The following RASSF1 variants were observed in gnomAD, a reference collection of about 807,000 sequenced individuals.
The protein encoded by RASSF1 is ras association domain-containing protein 1.
Under a neutral mutation model 34.3 loss-of-function variants are expected in RASSF1, and 33 were observed. The ratio of observed to expected loss-of-function variants is 0.96; its 90% confidence interval spans 0.73 to 1.29. The LOEUF (loss-of-function observed/expected upper bound fraction) is 1.29, where lower values mean the gene tolerates loss of function less well. RASSF1 is among the 50% of genes most tolerant of loss of function. The probability of loss-of-function intolerance (pLI) is 0.00; values close to 1 mark genes in which losing one functional copy is unlikely to be tolerated. For missense variants in RASSF1, 445 were observed against 471.8 expected, an observed-to-expected ratio of 0.94 and a Z score of 0.53; for synonymous variants, 191 against 195.0, an observed-to-expected ratio of 0.98 and a Z score of 0.17.
intron 2 of RASSF1, chr3:50,337,137 T>C (rs57838764): frequency 0.15 from 237,210 of 1,565,926 alleles, 27,089 homozygotes; most frequent in East Asian, 0.62. Context: ...CAGCGACCGC[T>C]TCCCCTCCCG....
chr3:50,340,262 T>C (rs1014328717), intron 1 of RASSF1, among the ~76,000 whole-genome samples: 4 of 152,162 alleles, frequency 2.6e-5, no homozygotes, highest in African/African-American at 4.8e-5. Context: ...CCGAGGACAG[T>C]AGGCACAAAC....
rs761354693 is a variant in RASSF1, at chr3:50,331,720, C to G, written c.599G>C (p.Arg200Pro). ...CTTGGGCAGGTAAAAGGAAGTGCGG[C>G]GCCTGACACTTGTGCCCCGTCCTGG... ...RGPGRGTSVR[R>P]RTSFYLPKDA... Residue 200 changes from arginine to proline, a missense_variant, in exon 4 of 6, where the codon CGC (arginine) becomes CCC (proline). Transcript: ENST00000359365. The G allele has an allele frequency of 6.2e-7, 1 of 1,613,106 alleles. No homozygotes were observed. The highest frequency in any genetic ancestry group is 8.5e-7 in the Non-Finnish European group (1 of 1,179,428).
chr3:50,335,218 G>T (rs1170611504), intron 2 of RASSF1, among the ~76,000 whole-genome samples: 1 of 151,792 alleles, frequency 6.6e-6, no homozygotes, highest in Non-Finnish European at 1.5e-5. Flanking sequence ...AAAGTGCTGG[G>T]ATTAAAGGTG....
intron 2 of RASSF1, chr3:50,337,344 C>T (rs1259094495): frequency 1.0e-5 from 16 of 1,606,832 alleles, no homozygotes; most frequent in Non-Finnish European, 1.3e-5. Context: ...GTCCCCCAGT[C>T]CTGCGCGTCC....
intron 1 of RASSF1, chr3:50,338,354 A>T (rs1703240794): frequency 5.3e-6 from 2 of 376,882 alleles, no homozygotes; most frequent in Admixed American, 5.6e-5. Flanking sequence ...ATTTCGGCTC[A>T]CCGCAACCTC....
In RASSF1 at chr3:50,337,161, C is replaced by G. The variant is rs587753339; in HGVS notation, c.357+744G>C. The G allele has an allele frequency of 1.1e-5, 17 of 1,604,572 alleles. No individual in the cohort carries two copies. The African/African-American group carries it at 1.6e-4, about 15-fold the overall frequency. On this transcript the variant is annotated intron_variant, in intron 2 of 5. Transcript: ENST00000359365. ...CTTCCCCTCCCGCCCGCCGGCACCC[C>G]CTGGCTCCCACCTGGTCCCGGCGCG...
In RASSF1 at chr3:50,329,964, G is replaced by A. The variant is rs1340181965; in HGVS notation, c.*617C>T. On this transcript the variant is annotated 3_prime_UTR_variant, in exon 6 of 6. Transcript: ENST00000359365. ...GACCCTGGCTTTGATTAGCAAATAA[G>A]GTATGAACCTGGGCCAGTGCCCACA... The A allele has an allele frequency of 1.3e-5, 2 of 152,688 alleles. No individual in the cohort carries two copies. Among genetic ancestry groups the A allele is most frequent in the African/African-American group, 2.4e-5 (1 of 41,432 alleles). The allele number at this position is 152,688 out of a possible 1,614,324, so 9.5% of individuals were successfully genotyped here. A position where few individuals can be genotyped will look rare whatever the true frequency, so the allele number is the denominator to read the frequency against.
At chr3:50,332,287 T>A in intron 2 of RASSF1, 133 bp from the exon 3 acceptor site, 1 of 684,678 alleles carries the variant, frequency 1.5e-6, no homozygotes, top group East Asian at 2.7e-5. Flanking sequence ...ACATAGCTGG[T>A]GCCCACCCTG....
Position 50,331,652 on chromosome 3 carries a change from G to T in RASSF1, c.667C>A (p.Arg223Ser). 6.2e-7 allele frequency: 1 copy of T among 1,612,200 alleles called. No homozygotes were observed. Among genetic ancestry groups the T allele is most frequent in the Non-Finnish European group, 8.5e-7 (1 of 1,178,394 alleles). Reference sequence around the variant, plus strand: ...CGCAGCAGGGCCTCAATGACTTCACGTGCCCTTGTGCGTGACAGCACATGC... The same window carrying T: ...CGCAGCAGGGCCTCAATGACTTCACTTGCCCTTGTGCGTGACAGCACATGC... Reference protein sequence around the residue: ...HLHVLSRTRAREVIEALLRKF... With the variant: ...HLHVLSRTRASEVIEALLRKF... Residue 223 changes from arginine (R) to serine (S), a missense_variant, in exon 4 of 6, where the codon CGT becomes AGT. Physicochemically the swap from Arg to Ser is moderately radical, Grantham distance 110. Coordinates refer to ENST00000359365, the MANE Select transcript of RASSF1 (RefSeq NM_007182.5).
At chr3:50,337,354 C>T (rs750062943) in intron 2 of RASSF1, 2 of 1,604,870 alleles carry the variant, frequency 1.2e-6, no homozygotes, top group Non-Finnish European at 8.5e-7. Flanking sequence ...CCTGCGCGTC[C>T]GTAGCCGCCA....
intron 1 of RASSF1, among the ~76,000 whole-genome samples, chr3:50,340,294 G>A (rs2109352093): frequency 6.6e-6 from 1 of 152,262 alleles, no homozygotes; most frequent in African/African-American, 2.4e-5. Flanking sequence ...AAGGGCCAAG[G>A]CATTTTAAAG....
intron 1 of RASSF1, among the ~76,000 whole-genome samples, chr3:50,340,324 C>T (rs1167030181): frequency 1.3e-5 from 2 of 152,200 alleles, no homozygotes; most frequent in Admixed American, 6.5e-5. Flanking sequence ...TTAAAATCAG[C>T]GTATTTTTAC....
intron 2 of RASSF1, 41 bp from the exon 3 acceptor site, chr3:50,332,195 C>A (rs766393875): frequency 3.2e-6 from 5 of 1,571,712 alleles, no homozygotes; most frequent in Admixed American, 1.7e-5. Flanking sequence ...CCTTGAGGAA[C>A]CCAGGGCTTC....
intron 1 of RASSF1, among the ~76,000 whole-genome samples, chr3:50,339,841 C>A (rs1355279436): frequency 1.3e-5 from 2 of 152,174 alleles, no homozygotes; most frequent in Non-Finnish European, 2.9e-5. Flanking sequence ...CTCCATGTTA[C>A]AATAATTTGG....
intron 2 of RASSF1, among the ~76,000 whole-genome samples, chr3:50,333,526 T>C (rs587598442): frequency 6.6e-6 from 1 of 151,946 alleles, no homozygotes; most frequent in South Asian, 2.1e-4. Context: ...GCCCAGGCTG[T>C]AGTGCAGTGG....
rs781985002 is a variant in RASSF1 at position 50,330,595 on chromosome 3, A to G, written c.1009T>C (p.Cys337Arg). The change falls in exon 6 of 6, where the codon TGC becomes CGC. Residue 337 changes from cysteine (C) to arginine (R), a missense_variant. Transcript: ENST00000359365. This position sits in a 1 kb window ranked among gnomAD's most constrained non-coding sequence, Gnocchi z 4.5. ...GGTACAAGAGGTCACCCAAGGGGGC[A>G]GGCGTGCAGGGCCTCTTGGATCTTC... ...RQKIQEALHACPLG is the reference protein window; with the variant it reads ...RQKIQEALHARPLG The G allele has an allele frequency of 2.5e-6, 4 of 1,614,080 alleles. No homozygotes were observed. The Admixed American group carries it at 6.7e-5, about 27-fold the overall frequency.
intron 2 of RASSF1, among the ~76,000 whole-genome samples, chr3:50,334,520 A>C (rs1252902958): frequency 6.6e-6 from 1 of 152,224 alleles, no homozygotes; most frequent in African/African-American, 2.4e-5. Context: ...GGGCAGGAGA[A>C]ATGCCAGACA....
chr3:50,337,019 G>C (rs1012033835), intron 2 of RASSF1: 1 of 1,096,268 alleles, frequency 9.1e-7, no homozygotes, highest in Admixed American at 3.1e-5. Flanking sequence ...CTTACGCACG[G>C]TTCCGCGGGC....
In RASSF1 at chr3:50,330,754, A is replaced by G. The variant is rs951688785; in HGVS notation, c.877-27T>C. On this transcript the variant is annotated intron_variant, in intron 5 of 5. Coordinates refer to ENST00000359365, the MANE Select transcript of RASSF1 (RefSeq NM_007182.5). The surrounding 1 kb of genome is among the most constrained non-coding windows in gnomAD (Gnocchi z 4.5). ...TGCAAGGGGCAAAAGGGGAGTGTAC[A>G]GGCTGCAGAAGGGATGGCCAAGCCA... The G allele has an allele frequency of 1.2e-5, 20 of 1,607,652 alleles. No individual in the cohort carries two copies. The African/African-American group carries it at 2.0e-4, about 16-fold the overall frequency.
Sources: gnomAD v4.1 joint callset for allele counts (sites outside exome capture counted in the v4.1 genomes callset) on GRCh38, gnomAD v4.1.1 for gene constraint, Gnocchi (gnomAD v3.1) non-coding constraint, MANE v1.5 for transcripts, NCBI Gene and HGNC (gene_info 2026-07-23, HGNC 2026-07-21) for gene names.